Variants in NAA16 observed in about 807,000 individuals in gnomAD.
NAA16 encodes N-alpha-acetyltransferase 16, NatA auxiliary subunit.
Under a neutral mutation model 110.3 loss-of-function variants are expected in NAA16, and 97 were observed. The ratio of observed to expected loss-of-function variants is 0.88; its 90% CI spans 0.75 to 1.04. The LOEUF (loss-of-function observed/expected upper bound fraction) is 1.04. NAA16 is among the 50% of genes least tolerant of loss of function. The pLI, the probability that NAA16 is intolerant of heterozygous loss-of-function variation, is 0.00. For missense variants in NAA16, 1,017 were observed against 1,005.1 expected (o/e 1.01, Z -0.16); for synonymous variants, 372 against 330.6 (o/e 1.13, Z -1.36).
chr13:41,356,414 AAGT>A (rs1172279674), intron 10 of NAA16, among the ~76,000 whole-genome samples: 37 of 144,712 alleles, frequency 2.6e-4, no homozygotes, highest in African/African-American at 9.6e-4. Flanking sequence ...TAAACAGAAG[AAGT>A]CATCGCAGTG....
intron 9 of NAA16, among the ~76,000 whole-genome samples, chr13:41,344,584 C>T (rs2042633991): frequency 6.6e-6 from 1 of 152,164 alleles, no homozygotes; most frequent in South Asian, 2.1e-4. Context: ...GGACAGCCTT[C>T]CTAACAAAGG....
At chr13:41,317,269 A>G (rs907541340) in intron 2 of NAA16, among the ~76,000 whole-genome samples, 1 of 152,176 alleles carries the variant, frequency 6.6e-6, no homozygotes, top group Non-Finnish European at 1.5e-5. Context: ...AATTAGGACA[A>G]AATTTGCAAT....
intron 14 of NAA16, 90 bp downstream of exon 14, chr13:41,367,742 A>G (rs2043236016): frequency 2.4e-6 from 2 of 850,244 alleles, no homozygotes; most frequent in Non-Finnish European, 3.5e-6. Flanking sequence ...ATATTAATAT[A>G]TTGTCTGTTG....
intron 9 of NAA16, among the ~76,000 whole-genome samples, chr13:41,345,752 T>A (rs2042665620): frequency 6.6e-6 from 1 of 152,210 alleles, no homozygotes; most frequent in African/African-American, 2.4e-5. Flanking sequence ...CTGGCTCATT[T>A]TTTATAGAGA....
intron 6 of NAA16, chr13:41,328,159 T>A (rs1405640513): frequency 6.6e-6 from 1 of 152,128 alleles, no homozygotes; most frequent in African/African-American, 2.4e-5. Context: ...TTTGTGTGGC[T>A]TAGTAAAAGG....
chr13:41,351,288 C>T (rs142844971), intron 9 of NAA16, among the ~76,000 whole-genome samples: 110 of 152,202 alleles, frequency 7.2e-4, no homozygotes, highest in East Asian at 5.0e-3. Context: ...TGGTAAGTCC[C>T]ACCCTTCTCA....
intron 8 of NAA16, among the ~76,000 whole-genome samples, chr13:41,335,645 G>A (rs1338021673): frequency 6.6e-6 from 1 of 152,172 alleles, no homozygotes; most frequent in African/African-American, 2.4e-5. Flanking sequence ...GAGATTATCT[G>A]AATACAATCT....
intron 9 of NAA16, among the ~76,000 whole-genome samples, chr13:41,352,751 G>A (rs2042871652): frequency 6.6e-6 from 1 of 152,080 alleles, no homozygotes; most frequent in African/African-American, 2.4e-5. Context: ...TTAAATGTAG[G>A]AGATATCCTA....
chr13:41,375,440 C>T lies in NAA16; in HGVS notation c.2433C>T (p.Gly811=). 1 of 1,613,732 alleles carries T rather than the reference C, an allele frequency of 6.2e-7. No individual in the cohort carries two copies. The highest frequency in any genetic ancestry group is 8.5e-7 in the Non-Finnish European group (1 of 1,179,710). ...LIKVSEALLD[G]SFGNCSSQYE... ...AGGTTTCTGAAGCACTGCTTGATGG[C>T]AGCTTTGGGAACTGTAGTTCCCAAT... Residue 811 remains glycine (G), a synonymous_variant, in exon 20 of 20, where the codon GGC becomes GGT. Transcript: ENST00000379406.
At chr13:41,371,312 A>G (rs79561784) in intron 15 of NAA16, among the ~76,000 whole-genome samples, 2,063 of 152,350 alleles carry the variant, frequency 0.014, 27 homozygotes, top group Admixed American at 0.019. Flanking sequence ...GGACCCTTCT[A>G]TGATACAGGC....
intron 5 of NAA16, among the ~76,000 whole-genome samples, chr13:41,323,664 T>C (rs954127739): frequency 1.3e-5 from 2 of 151,932 alleles, no homozygotes; most frequent in African/African-American, 4.8e-5. Context: ...TTTTTTTTTT[T>C]TTAAGAGACG....
At chr13:41,374,661 T>G in intron 18 of NAA16, 81 bp from the exon 19 acceptor site, 1 of 930,618 alleles carries the variant, frequency 1.1e-6, no homozygotes, top group Non-Finnish European at 1.7e-6. Context: ...TAAAACCATA[T>G]TTGAAGTCAC....
rs906407746 is a variant in NAA16 at position 41,376,493 on chromosome 13, T to G, written c.*891T>G. ...TTGCCTGTCAGTCATGGAAATTCAC[T>G]GGTAAAATTGTTGAATATTTCTCTC... On this transcript the variant is annotated 3_prime_UTR_variant, in exon 20 of 20. Coordinates refer to ENST00000379406, the MANE Select transcript of NAA16 (RefSeq NM_024561.5). 2 of 152,212 alleles carry G rather than the reference T, an allele frequency of 1.3e-5. No individual in the cohort carries two copies. The highest frequency in any genetic ancestry group is 2.9e-5 in the Non-Finnish European group (2 of 68,036). The allele number at this position is 152,212 out of a possible 1,614,324, so 9.4% of individuals were successfully genotyped here.
intron 10 of NAA16, among the ~76,000 whole-genome samples, chr13:41,357,394 GC>G (rs1189137954): frequency 5.3e-5 from 8 of 152,094 alleles, no homozygotes; most frequent in Admixed American, 5.2e-4. Flanking sequence ...GCATTCGTTA[GC>G]TGGAATTTTT....
chr13:41,358,676 G>A (rs1185144206), intron 11 of NAA16, 134 bp from the exon 12 acceptor site: 1 of 1,433,338 alleles, frequency 7.0e-7, no homozygotes, highest in Admixed American at 2.9e-5. Flanking sequence ...AATGTGAACT[G>A]TAATTTTGAT....
Position 41,355,193 on chromosome 13 carries a change from C to T in NAA16, c.1064C>T (p.Thr355Met), listed in dbSNP as rs538232885. Reference sequence around the variant, plus strand: ...ACTAATTATGAAGCCTCTCTTAAAACGTGTGACTTTTTTAGCCCATATGGT... The same window carrying T: ...ACTAATTATGAAGCCTCTCTTAAAATGTGTGACTTTTTTAGCCCATATGGT... ...LVTNYEASLK[T>M]CDFFSPYENG... Residue 355 changes from threonine to methionine, a missense_variant, in exon 10 of 20, where the codon ACG (threonine) becomes ATG (methionine). Transcript: ENST00000379406. 5.7e-6 allele frequency: 9 copies of T among 1,587,280 alleles called. No individual in the cohort carries two copies. The highest frequency in any genetic ancestry group is 2.3e-5 in the East Asian group (1 of 44,408).
In NAA16 at chr13:41,318,984, G is replaced by A. The variant is rs145402036; in HGVS notation, c.244+74G>A. 9.9e-4 allele frequency: 796 copies of A among 803,150 alleles called. 1 individual carries two copies. In the African/African-American group the frequency reaches 0.01, roughly 10 times the overall value. 49.8% of individuals were successfully genotyped at this position (803,150 alleles called of 1,614,324 possible). On this transcript the variant is annotated intron_variant, in intron 3 of 19. Coordinates refer to ENST00000379406, the MANE Select transcript of NAA16 (RefSeq NM_024561.5). ...CTAATTCAAATTAAATTTGTACTAT[G>A]AAAATTCCAAACCTACGTAGAAGAG... is the stretch of plus-strand genomic sequence containing the variant.
rs1240093588 is a variant in NAA16 at position 41,349,715 on chromosome 13, A to C, written c.1015-5429A>C. 2.0e-5 allele frequency among the ~76,000 whole-genome samples: 3 copies of C among 152,172 alleles called. No homozygotes were observed. The East Asian group carries it at 5.8e-4, about 29-fold the overall frequency. Reference sequence around the variant, plus strand: ...TGTGGTGGCTCACGCCTGTAATACCAACCCTTGGGGAGGCCGAGGTGGGTA... The same window carrying C: ...TGTGGTGGCTCACGCCTGTAATACCCACCCTTGGGGAGGCCGAGGTGGGTA... On this transcript the variant is annotated intron_variant, in intron 9 of 19. Transcript: ENST00000379406.
intron 9 of NAA16, among the ~76,000 whole-genome samples, chr13:41,353,073 G>A (rs1420458105): frequency 2.0e-5 from 3 of 151,806 alleles, no homozygotes; most frequent in African/African-American, 7.3e-5. Flanking sequence ...CAGAGATCGC[G>A]CCACTGCATT....
Sources: allele counts gnomAD v4.1 joint callset (sites outside exome capture counted in the v4.1 genomes callset), GRCh38; gene constraint gnomAD v4.1.1; transcripts MANE v1.5; gene names NCBI Gene and HGNC (gene_info 2026-07-23, HGNC 2026-07-21).